XYLT1: variants seen among roughly 807,000 people sequenced by gnomAD.
XYLT1 encodes the protein beta-D-xylosyltransferase 1.
In XYLT1, 36 loss-of-function variants were observed where a neutral mutation model predicts 91.3. The observed-to-expected ratio is 0.39, with a 90% CI of 0.30 to 0.52. The LOEUF (loss-of-function observed/expected upper bound fraction) is 0.52, where lower values mean the gene tolerates loss of function less well. Among genes scored for constraint, XYLT1 ranks in the 20% least tolerant of loss-of-function variants. The pLI is 0.68. For missense variants in XYLT1, 1,242 were observed against 1,284.5 expected, an observed-to-expected ratio of 0.97 and a Z score of 0.51; for synonymous variants, 588 against 532.0, an observed-to-expected ratio of 1.11 and a Z score of -1.45.
At chr16:17,338,157 C>T (rs1296088274) in intron 2 of XYLT1, 2 of 456,352 alleles carry the variant, frequency 4.4e-6, no homozygotes, top group East Asian at 7.0e-5. Context: ...TCATAACTCC[C>T]CTGAACTGAA....
intron 6 of XYLT1, among the ~76,000 whole-genome samples, chr16:17,152,430 T>C (rs1199359502): frequency 1.3e-5 from 2 of 152,184 alleles, no homozygotes; most frequent in Admixed American, 1.3e-4. Flanking sequence ...AGAAATGCAA[T>C]CTGCTTTCCC....
intron 2 of XYLT1, among the ~76,000 whole-genome samples, chr16:17,264,530 G>A (rs902256468): frequency 2.0e-5 from 3 of 152,118 alleles, no homozygotes; most frequent in Non-Finnish European, 4.4e-5. Flanking sequence ...GACTGCCAAG[G>A]GGCAAACAGA....
chr16:17,121,905 G>C (rs1484765879), intron 10 of XYLT1, among the ~76,000 whole-genome samples: 1 of 152,026 alleles, frequency 6.6e-6, no homozygotes, highest in Non-Finnish European at 1.5e-5. Flanking sequence ...ATTCCATCCA[G>C]GTTGCTGCAA....
At chr16:17,272,634 A>G (rs2033914654) in intron 2 of XYLT1, among the ~76,000 whole-genome samples, 1 of 152,232 alleles carries the variant, frequency 6.6e-6, no homozygotes, top group Non-Finnish European at 1.5e-5. Context: ...CCTTCTGGAA[A>G]CATCAGGGAC....
intron 3 of XYLT1, among the ~76,000 whole-genome samples, chr16:17,245,719 C>T (rs1183344756): frequency 6.6e-6 from 1 of 152,176 alleles, no homozygotes; most frequent in Admixed American, 6.5e-5. Flanking sequence ...GAATTCAATT[C>T]CACGGGGTAA....
chr16:17,135,156 C>CT (rs59156630), intron 8 of XYLT1, among the ~76,000 whole-genome samples: 14,675 of 152,142 alleles, frequency 0.096, 1,266 homozygotes, highest in African/African-American at 0.22. Flanking sequence ...CACGGAAATT[C>CT]TTTTGGCTTC....
At chr16:17,276,695 C>A (rs984378927) in intron 2 of XYLT1, among the ~76,000 whole-genome samples, 1 of 152,144 alleles carries the variant, frequency 6.6e-6, no homozygotes, top group Non-Finnish European at 1.5e-5. Context: ...TCATGGTGAT[C>A]ATGATATGCT....
intron 9 of XYLT1, among the ~76,000 whole-genome samples, chr16:17,132,292 C>G (rs2030513196): frequency 6.6e-6 from 1 of 152,144 alleles, no homozygotes; most frequent in African/African-American, 2.4e-5. Flanking sequence ...GAACTACTTT[C>G]AGCTTGGGAG....
intron 1 of XYLT1, among the ~76,000 whole-genome samples, chr16:17,388,307 G>A (rs2035772588): frequency 6.6e-6 from 1 of 152,090 alleles, no homozygotes; most frequent in South Asian, 2.1e-4. Flanking sequence ...AAGATACATC[G>A]CTTTGCACCA....
chr16:17,314,083 G>A (rs2034590095), intron 2 of XYLT1, among the ~76,000 whole-genome samples: 1 of 152,156 alleles, frequency 6.6e-6, no homozygotes, highest in Admixed American at 6.5e-5. Flanking sequence ...CACTCTGCAG[G>A]CCAAACCAAA....
intron 11 of XYLT1, among the ~76,000 whole-genome samples, chr16:17,113,993 G>A (rs958882777): frequency 6.6e-6 from 1 of 151,220 alleles, no homozygotes; most frequent in African/African-American, 2.4e-5. Flanking sequence ...CACCTGCTAG[G>A]AGGGTGGGCA....
intron 2 of XYLT1, among the ~76,000 whole-genome samples, chr16:17,302,946 T>C (rs765942644): frequency 6.6e-5 from 10 of 151,836 alleles, no homozygotes; most frequent in Admixed American, 1.3e-4. Context: ...TGAGCACACA[T>C]GTGACCGTGA....
intron 3 of XYLT1, among the ~76,000 whole-genome samples, chr16:17,237,086 A>T (rs2033260610): frequency 1.3e-5 from 2 of 152,196 alleles, no homozygotes; most frequent in African/African-American, 2.4e-5. Context: ...CGTAAAGAAC[A>T]ATGTTCAGGT....
At chr16:17,147,722 T>TCCCCAGCA (rs1229250653) in intron 6 of XYLT1, among the ~76,000 whole-genome samples, 1 of 152,216 alleles carries the variant, frequency 6.6e-6, no homozygotes, top group Non-Finnish European at 1.5e-5. Flanking sequence ...ACAGGGTATC[T>TCCCCAGCA]ACCAGGGGAG....
intron 2 of XYLT1, among the ~76,000 whole-genome samples, chr16:17,311,828 T>C (rs1017209437): frequency 3.0e-5 from 4 of 135,064 alleles, no homozygotes; most frequent in East Asian, 2.1e-4. Flanking sequence ...ACGTCTTACA[T>C]GGCAGCAGGC....
chr16:17,117,656 G>A lies in XYLT1; in HGVS notation c.2547C>T (p.Pro849=), dbSNP rs1490827462. The change falls in exon 11 of 12, where the codon CCC becomes CCT. Residue 849 remains proline, a synonymous_variant. Transcript: ENST00000261381. The part of the protein sequence containing the change: ...VAPLTFSNRQ[P]IKPEEALKLH... ...ACTGGGAGTACTTACCAGGTTTGAT[G>A]GGCTGCCTGTTCGAGAAGGTCAGAG... 6.2e-7 allele frequency: 1 copy of A among 1,611,756 alleles called. No individual in the cohort carries two copies. The highest frequency in any genetic ancestry group is 1.3e-5 in the African/African-American group (1 of 74,996).
At chr16:17,194,329 C>A (rs979041864) in intron 5 of XYLT1, 3 of 152,332 alleles carry the variant, frequency 2.0e-5, no homozygotes, top group South Asian at 4.1e-4. Flanking sequence ...GGTGCTGAGC[C>A]GAGCTGGACT....
At chr16:17,310,941 C>T (rs951053797) in intron 2 of XYLT1, among the ~76,000 whole-genome samples, 9 of 152,254 alleles carry the variant, frequency 5.9e-5, no homozygotes, top group Non-Finnish European at 8.8e-5. Flanking sequence ...TCCCACAGCT[C>T]CATTCCCAGA....
intron 1 of XYLT1, among the ~76,000 whole-genome samples, chr16:17,454,419 C>A (rs546992857): frequency 1.3e-5 from 2 of 152,318 alleles, no homozygotes; most frequent in Admixed American, 6.5e-5. Context: ...AGGCTTAGGG[C>A]CCATACAGTC....
Sources: allele counts gnomAD v4.1 joint callset (sites outside exome capture counted in the v4.1 genomes callset), GRCh38; gene constraint gnomAD v4.1.1; transcripts MANE v1.5; gene names NCBI Gene and HGNC (gene_info 2026-07-23, HGNC 2026-07-21).